Variants in PSD3 observed in about 807,000 individuals in gnomAD.
PSD3 encodes PH and SEC7 domain-containing protein 3.
A neutral mutation model predicts 105.5 loss-of-function variants in PSD3; 49 were observed. The ratio of observed to expected loss-of-function variants is 0.46; its 90% CI spans 0.37 to 0.59. PSD3 has a LOEUF of 0.59. Ranked by LOEUF, PSD3 falls within the 20% of genes least tolerant of loss-of-function variation. The pLI, the probability that PSD3 is intolerant of heterozygous loss-of-function variation, is 0.00. For missense variants in PSD3, 1,561 were observed against 1,263.8 expected (o/e 1.24, Z -3.57); for synonymous variants, 557 against 457.8 (o/e 1.22, Z -2.77).
At chr8:18,844,751 C>G (rs991371507) in intron 4 of PSD3, among the ~76,000 whole-genome samples, 1 of 152,206 alleles carries the variant, frequency 6.6e-6, no homozygotes, top group Non-Finnish European at 1.5e-5. Flanking sequence ...GTAAGAGAGA[C>G]TGTTCACTTA....
intron 15 of PSD3, among the ~76,000 whole-genome samples, chr8:18,546,489 G>A (rs563253229): frequency 2.4e-4 from 36 of 152,264 alleles, no homozygotes; most frequent in African/African-American, 8.7e-4. Context: ...AGACTGGATT[G>A]AGCTATGCTG....
chr8:18,838,573 G>A (rs1034296097), intron 4 of PSD3, among the ~76,000 whole-genome samples: 16 of 151,978 alleles, frequency 1.1e-4, no homozygotes, highest in East Asian at 3.9e-4. Context: ...AGGCCGAGGC[G>A]GGCGGATCAT....
At chr8:18,880,095 T>C (rs1413160579) in intron 2 of PSD3, among the ~76,000 whole-genome samples, 1 of 152,212 alleles carries the variant, frequency 6.6e-6, no homozygotes, top group Non-Finnish European at 1.5e-5. Flanking sequence ...CTGTTTGCAT[T>C]GGTTATCACA....
At chr8:18,570,566 C>T (rs1259098700) in intron 14 of PSD3, among the ~76,000 whole-genome samples, 1 of 149,566 alleles carries the variant, frequency 6.7e-6, no homozygotes, top group Non-Finnish European at 1.5e-5. Context: ...TCGCAACCTA[C>T]TACTCATCTG....
chr8:18,787,604 A>G (rs1168183191), intron 8 of PSD3, among the ~76,000 whole-genome samples: 2 of 152,198 alleles, frequency 1.3e-5, no homozygotes. Flanking sequence ...ATATTAATCA[A>G]AAGTCAAAAT....
intron 9 of PSD3, among the ~76,000 whole-genome samples, chr8:18,752,602 A>T (rs13255267): frequency 2.4e-5 from 2 of 83,048 alleles, no homozygotes; most frequent in African/African-American, 6.0e-5. Context: ...ATTATATATT[A>T]TATATAATAC....
At chr8:18,992,309 T>TC (rs1825848382) in intron 1 of PSD3, among the ~76,000 whole-genome samples, 1 of 133,188 alleles carries the variant, frequency 7.5e-6, no homozygotes, top group Non-Finnish European at 1.7e-5. Context: ...TAGTGATACT[T>TC]AAAAAAAAAA....
chr8:18,829,801 C>T (rs1224383043), intron 4 of PSD3, among the ~76,000 whole-genome samples: 1 of 152,002 alleles, frequency 6.6e-6, no homozygotes, highest in Non-Finnish European at 1.5e-5. Flanking sequence ...GGATACTCTA[C>T]CGTTTGAGAG....
intron 1 of PSD3, among the ~76,000 whole-genome samples, chr8:19,057,819 C>T (rs1270260199): frequency 6.6e-6 from 1 of 152,170 alleles, no homozygotes; most frequent in East Asian, 1.9e-4. Context: ...GAGAAACTAG[C>T]TCTCGCATAC....
intron 9 of PSD3, among the ~76,000 whole-genome samples, chr8:18,706,828 C>T (rs1463976985): frequency 6.6e-6 from 1 of 152,038 alleles, no homozygotes; most frequent in Non-Finnish European, 1.5e-5. Context: ...TCTGAGTATA[C>T]CATATTATAT....
chr8:18,560,070 C>T (rs963689449), intron 14 of PSD3, among the ~76,000 whole-genome samples: 1 of 152,020 alleles, frequency 6.6e-6, no homozygotes, highest in East Asian at 1.9e-4. Context: ...TAAATCTGTC[C>T]ATTTTGAACA....
At chr8:18,802,060 C>T (rs758194682) in intron 6 of PSD3, among the ~76,000 whole-genome samples, 2 of 152,172 alleles carry the variant, frequency 1.3e-5, no homozygotes, top group African/African-American at 2.4e-5. Context: ...CATTTTGTTA[C>T]ATGACTGTCA....
chr8:18,642,441 A>G (rs890127455), intron 10 of PSD3, among the ~76,000 whole-genome samples: 3 of 152,208 alleles, frequency 2.0e-5, no homozygotes, highest in African/African-American at 7.2e-5. Context: ...TTCAGAAACT[A>G]TATTTATTAT....
intron 2 of PSD3, among the ~76,000 whole-genome samples, chr8:18,911,164 G>A (rs1017944801): frequency 2.0e-5 from 3 of 152,164 alleles, no homozygotes; most frequent in African/African-American, 4.8e-5. Context: ...TAGAGTGGGG[G>A]TGGGAGCACA....
At position 18,906,706 on chromosome 8, in the gene PSD3, T is replaced by C. The variant is rs1819874148; in HGVS notation, c.130+29328A>G. ...CATAAGAAAGTAATTGTAGTGTCTA[T>C]TTAAAACTCAGATTTAGAAATAAAA... On this transcript the variant is annotated intron_variant, in intron 2 of 15. Transcript: ENST00000327040. Among the ~76,000 whole-genome samples the C allele has an allele frequency of 3.3e-5, 5 of 152,356 alleles. No homozygotes were observed. The South Asian group carries it at 1.0e-3, about 32-fold the overall frequency.
chr8:18,867,607 C>G (rs1174724358), intron 4 of PSD3, 67 bp downstream of exon 4: 1 of 1,509,120 alleles, frequency 6.6e-7, no homozygotes, highest in East Asian at 2.3e-5. Context: ...ATTCCACACT[C>G]AGATTTCCCA....
At chr8:19,057,668 G>T (rs761314382) in intron 1 of PSD3, among the ~76,000 whole-genome samples, 1 of 152,084 alleles carries the variant, frequency 6.6e-6, no homozygotes, top group African/African-American at 2.4e-5. Flanking sequence ...TGCCCCCAAA[G>T]AAGAGGGCCT....
intron 9 of PSD3, among the ~76,000 whole-genome samples, chr8:18,709,842 G>A (rs76082847): frequency 0.083 from 12,651 of 152,130 alleles, 1,135 homozygotes; most frequent in East Asian, 0.22. Flanking sequence ...CCAAAGGCCA[G>A]CAGCCTCAAA....
At chr8:18,885,132 T>C (rs1818373876) in intron 2 of PSD3, among the ~76,000 whole-genome samples, 1 of 152,188 alleles carries the variant, frequency 6.6e-6, no homozygotes, top group South Asian at 2.1e-4. Context: ...TATATCCACA[T>C]CTTGTGCTTC....
Sources: gnomAD v4.1 joint callset for allele counts (sites outside exome capture counted in the v4.1 genomes callset) on GRCh38, gnomAD v4.1.1 for gene constraint, MANE v1.5 for transcripts, NCBI Gene and HGNC (gene_info 2026-07-23, HGNC 2026-07-21) for gene names.